APBA1: variants seen among roughly 807,000 people sequenced by gnomAD.
The protein encoded by APBA1 is amyloid beta precursor protein binding family A member 1, also known as amyloid-beta A4 precursor protein-binding family A member 1.
In APBA1, 55 loss-of-function variants were observed where a neutral mutation model predicts 86.6. The observed-to-expected ratio is 0.64, with a 90% CI of 0.51 to 0.80. APBA1 has a LOEUF of 0.80. APBA1 is among the 30% of genes least tolerant of loss of function. The probability of loss-of-function intolerance (pLI) is 0.00; values close to 1 mark genes in which losing one functional copy is unlikely to be tolerated. For missense variants in APBA1, 1,090 were observed against 1,183.0 expected (o/e 0.92, Z 1.15); for synonymous variants, 511 against 493.9 (o/e 1.03, Z -0.46).
intron 2 of APBA1, among the ~76,000 whole-genome samples, chr9:69,484,029 G>T (rs961331065): frequency 1.3e-5 from 2 of 152,008 alleles, no homozygotes; most frequent in Non-Finnish European, 2.9e-5. Context: ...GGATATGTAC[G>T]ATTCTATTTT....
intron 2 of APBA1, among the ~76,000 whole-genome samples, chr9:69,481,459 G>C (rs984875215): frequency 6.6e-6 from 1 of 151,960 alleles, no homozygotes; most frequent in South Asian, 2.1e-4. Context: ...CACTGCTCAA[G>C]GAAATAAAAG....
chr9:69,427,715 A>C lies in APBA1; in HGVS notation c.*3612T>G, dbSNP rs968891104. 1.3e-5 allele frequency: 2 copies of C among 152,190 alleles called. No individual in the cohort carries two copies. The highest frequency in any genetic ancestry group is 4.8e-5 in the African/African-American group (2 of 41,440). The allele number at this position is 152,190 out of a possible 1,614,324, so 9.4% of individuals were successfully genotyped here. A position where few individuals can be genotyped will look rare whatever the true frequency, so the allele number is the denominator to read the frequency against. ...ACCAGACTGTCAAGGAAGTACATTC[A>C]GTGGGTGTGCGGTGTCCACATTCCA... On this transcript the variant is annotated 3_prime_UTR_variant, in exon 13 of 13. Coordinates refer to ENST00000265381, the MANE Select transcript of APBA1 (RefSeq NM_001163.4).
chr9:69,525,429 C>T (rs999466312), intron 1 of APBA1, among the ~76,000 whole-genome samples: 2 of 152,048 alleles, frequency 1.3e-5, no homozygotes, highest in African/African-American at 4.8e-5. Context: ...CACATCTATG[C>T]ACCAATAACG....
At chr9:69,523,739 A>T (rs1024767363) in intron 1 of APBA1, among the ~76,000 whole-genome samples, 2 of 151,784 alleles carry the variant, frequency 1.3e-5, no homozygotes, top group Admixed American at 6.6e-5. Flanking sequence ...AAAGACATCT[A>T]CGGAATACTT....
chr9:69,658,304 C>CTCTCTCTTTCTT (rs1362898788), intron 1 of APBA1, among the ~76,000 whole-genome samples: 8 of 79,944 alleles, frequency 1.0e-4, no homozygotes, highest in East Asian at 7.8e-4. Flanking sequence ...TTCTCTCTCT[C>CTCTCTCTTTCTT]TCTTTCTTTC....
chr9:69,435,909 T>G (rs1171787941), intron 11 of APBA1, among the ~76,000 whole-genome samples: 1 of 152,088 alleles, frequency 6.6e-6, no homozygotes, highest in Non-Finnish European at 1.5e-5. Flanking sequence ...TTTTATGGTT[T>G]TAGGTCTAAC....
intron 1 of APBA1, among the ~76,000 whole-genome samples, chr9:69,622,176 TCTC>T (rs997202186): frequency 4.6e-5 from 7 of 152,198 alleles, no homozygotes; most frequent in African/African-American, 1.4e-4. Flanking sequence ...TTAAATCCAT[TCTC>T]CTCCTGTCAA....
intron 2 of APBA1, chr9:69,494,628 T>C (rs1259537000): frequency 6.6e-6 from 1 of 152,162 alleles, no homozygotes; most frequent in Non-Finnish European, 1.5e-5. Flanking sequence ...GCGCTACAAT[T>C]TGGAAAAATG....
At chr9:69,440,219 A>T (rs1834790594) in intron 11 of APBA1, among the ~76,000 whole-genome samples, 1 of 152,088 alleles carries the variant, frequency 6.6e-6, no homozygotes, top group Admixed American at 6.6e-5. Context: ...CAGTTAGGCT[A>T]CTCAGGGGTC....
intron 1 of APBA1, among the ~76,000 whole-genome samples, chr9:69,571,702 G>A (rs564136030): frequency 2.6e-5 from 4 of 152,128 alleles, no homozygotes; most frequent in Non-Finnish European, 4.4e-5. Flanking sequence ...TGTTTCTAGT[G>A]TTGATAACTA....
In APBA1 at chr9:69,652,680, G is replaced by A. The variant is rs754760408; in HGVS notation, c.-70+19473C>T. Among the ~76,000 whole-genome samples the A allele has an allele frequency of 8.8e-4, 134 of 152,170 alleles. 1 individual carries two copies. Among genetic ancestry groups the A allele is most frequent in the Non-Finnish European group, 2.8e-4 (19 of 68,026 alleles). ...ATTTTCCAATTAAAAGACATAGAGT[G>A]GCTGAATGGATTTCAAAAACAAGAC... On this transcript the variant is annotated intron_variant, in intron 1 of 12. Coordinates refer to ENST00000265381, the MANE Select transcript of APBA1 (RefSeq NM_001163.4).
At chr9:69,634,176 C>A (rs548173742) in intron 1 of APBA1, among the ~76,000 whole-genome samples, 1 of 152,210 alleles carries the variant, frequency 6.6e-6, no homozygotes, top group South Asian at 2.1e-4. Flanking sequence ...ACCACCCCTC[C>A]TCCATCCCCT....
intron 1 of APBA1, among the ~76,000 whole-genome samples, chr9:69,544,221 C>T (rs1254475882): frequency 1.3e-5 from 2 of 152,204 alleles, no homozygotes; most frequent in Non-Finnish European, 1.5e-5. Context: ...AAAAACACTT[C>T]AAAAGCATTT....
intron 2 of APBA1, among the ~76,000 whole-genome samples, chr9:69,498,954 G>C (rs1835841269): frequency 6.6e-6 from 1 of 152,098 alleles, no homozygotes; most frequent in Admixed American, 6.5e-5. Context: ...GCTTGTGTAA[G>C]AAGTTTCCCA....
chr9:69,536,034 G>A (rs116966323), intron 1 of APBA1, among the ~76,000 whole-genome samples: 2,682 of 102,696 alleles, frequency 0.026, 43 homozygotes, highest in Middle Eastern at 0.044. Context: ...GGTAGATGGC[G>A]TGCAGTTTTT....
At chr9:69,451,955 G>C (rs1008711341) in intron 9 of APBA1, among the ~76,000 whole-genome samples, 167 bp downstream of exon 9, 2 of 152,150 alleles carry the variant, frequency 1.3e-5, no homozygotes, top group African/African-American at 4.8e-5. Context: ...TTCATGACAG[G>C]GCCCCACAGC....
At chr9:69,530,345 C>CATAT (rs369200773) in intron 1 of APBA1, among the ~76,000 whole-genome samples, 1 of 146,450 alleles carries the variant, frequency 6.8e-6, no homozygotes, top group Non-Finnish European at 1.5e-5. Flanking sequence ...CACACACACA[C>CATAT]ACACACACAC....
intron 2 of APBA1, among the ~76,000 whole-genome samples, chr9:69,497,965 T>C (rs1588321532): frequency 6.6e-6 from 1 of 152,232 alleles, no homozygotes; most frequent in East Asian, 1.9e-4. Context: ...AGCTCTTTGC[T>C]GGCATGGAAC....
intron 1 of APBA1, among the ~76,000 whole-genome samples, chr9:69,541,300 C>T (rs1836607807): frequency 1.2e-5 from 1 of 84,548 alleles, no homozygotes; most frequent in African/African-American, 4.3e-5. Flanking sequence ...TTTCACATTC[C>T]CACCAATAGT....
Sources: allele counts gnomAD v4.1 joint callset (sites outside exome capture counted in the v4.1 genomes callset), GRCh38; gene constraint gnomAD v4.1.1; transcripts MANE v1.5; gene names NCBI Gene and HGNC (gene_info 2026-07-23, HGNC 2026-07-21).